The following HSPG2 variants were observed in gnomAD, a reference collection of about 807,000 sequenced individuals.
HSPG2 encodes heparan sulfate proteoglycan 2.
Under a neutral mutation model 526.6 loss-of-function variants are expected in HSPG2, and 278 were observed. The ratio of observed to expected loss-of-function variants is 0.53; its 90% CI spans 0.48 to 0.58. The LOEUF is 0.58. Ranked by LOEUF, HSPG2 falls within the 20% of genes least tolerant of loss-of-function variation. HSPG2 has a pLI of 0.00. For missense variants in HSPG2, 5,354 were observed against 6,099.5 expected, an observed-to-expected ratio of 0.88 and a Z score of 4.07; for synonymous variants, 2,465 against 2,555.4, an observed-to-expected ratio of 0.96 and a Z score of 1.07.
At chr1:21,838,629 T>C (rs2098036369) in intron 74 of HSPG2, among the ~76,000 whole-genome samples, 196 bp downstream of exon 74, 3 of 152,162 alleles carry the variant, frequency 2.0e-5, no homozygotes, top group Admixed American at 2.0e-4. Flanking sequence ...CCGTGAGAGC[T>C]AGAGGAGCTG....
At chr1:21,914,387 G>C (rs953330173) in intron 1 of HSPG2, among the ~76,000 whole-genome samples, 1 of 130,798 alleles carries the variant, frequency 7.6e-6, no homozygotes, top group African/African-American at 2.8e-5. Context: ...AGACCCCAGA[G>C]GCAGGAGGAG....
chr1:21,852,730 G>T lies in HSPG2; in HGVS notation c.6694C>A (p.Leu2232Met), dbSNP rs558851628. The T allele has an allele frequency of 8.6e-5, 139 of 1,613,556 alleles. No homozygotes were observed. The highest frequency in any genetic ancestry group is 1.1e-4 in the Non-Finnish European group (130 of 1,180,034). ...GTSGPLEASV[L>M]VTIEASVIPG... is the part of the protein sequence containing the mutation. ...ATGACAGAGGCTTCGATGGTGACCAGGACTGAGGCCTCTAGGGGGCCGGAG... is the reference window on the plus strand; with the variant it reads ...ATGACAGAGGCTTCGATGGTGACCATGACTGAGGCCTCTAGGGGGCCGGAG... The change falls in exon 52 of 97, where the codon CTG becomes ATG. Residue 2232 changes from leucine (L) to methionine (M), a missense_variant. Coordinates refer to ENST00000374695, the MANE Select transcript of HSPG2 (RefSeq NM_005529.7).
Position 21,854,183 on chromosome 1 carries a change from G to T in HSPG2, c.6439+10C>A. ...GCTCAGCCCCGGCCCAGCCACACCT[G>T]GCTCCTCACCTGGGGTGTAGCTGGG... is the stretch of plus-strand genomic sequence containing the variant. On this transcript the variant is annotated intron_variant, in intron 50 of 96. Coordinates refer to ENST00000374695, the MANE Select transcript of HSPG2 (RefSeq NM_005529.7). The T allele has an allele frequency of 6.4e-7, 1 of 1,573,898 alleles. No individual in the cohort carries two copies.
At position 21,878,956 on chromosome 1, in the gene HSPG2, C is replaced by T. The variant is rs375128118; in HGVS notation, c.2471+38G>A. The T allele has an allele frequency of 5.0e-5, 80 of 1,605,152 alleles. No individual in the cohort carries two copies. The African/African-American group carries it at 1.0e-3, about 20-fold the overall frequency. On this transcript the variant is annotated intron_variant, in intron 18 of 96. Coordinates refer to ENST00000374695, the MANE Select transcript of HSPG2 (RefSeq NM_005529.7). Reference sequence around the variant, plus strand: ...ATATTCTCTGGCCTGTTGCACTGTCCCCAGCCAAACCCCCCCTGACCCGGA... The same window carrying T: ...ATATTCTCTGGCCTGTTGCACTGTCTCCAGCCAAACCCCCCCTGACCCGGA...
Position 21,855,671 on chromosome 1 carries a change from G to A in HSPG2, c.5706C>T (p.Gly1902=). 6 of 1,576,474 alleles carry A rather than the reference G, an allele frequency of 3.8e-6. No homozygotes were observed. Among genetic ancestry groups the A allele is most frequent in the Non-Finnish European group, 5.2e-6 (6 of 1,163,948 alleles). Residue 1902 remains glycine, a synonymous_variant, in exon 46 of 97, where the codon GGC becomes GGT. Transcript: ENST00000374695. ...SPTPTLEWTG[G]PGGQLPAKAQ... is the part of the protein sequence containing the mutation. The stretch of plus-strand genomic sequence containing the variant: ...CCTTCGCAGGGAGCTGGCCGCCGGG[G>A]CCCCCTGACGAGTAGACGTGGGGTC...
At chr1:21,857,802 C>T (rs1325354588) in intron 42 of HSPG2, among the ~76,000 whole-genome samples, 2 of 152,146 alleles carry the variant, frequency 1.3e-5, no homozygotes, top group Non-Finnish European at 2.9e-5. Flanking sequence ...CGCTGACACA[C>T]ACTTATGGAG....
chr1:21,851,974 C>A (rs752910358), intron 53 of HSPG2, 48 bp from the exon 54 acceptor site: 8 of 1,607,536 alleles, frequency 5.0e-6, no homozygotes, highest in Non-Finnish European at 6.8e-6. Context: ...CGGAGGCCAG[C>A]AAATGCCCCA....
chr1:21,888,145 G>A, intron 6 of HSPG2, 79 bp from the exon 7 acceptor site: 1 of 1,593,632 alleles, frequency 6.3e-7, no homozygotes. Context: ...TGTGTGGCTG[G>A]AGTGGGCTCC....
chr1:21,921,736 G>A (rs1357549790), intron 1 of HSPG2, among the ~76,000 whole-genome samples: 1 of 152,186 alleles, frequency 6.6e-6, no homozygotes, highest in Non-Finnish European at 1.5e-5. Flanking sequence ...AGTGTGTCCT[G>A]GGGCCACTTC....
In HSPG2 at chr1:21,846,558, A is replaced by C; in HGVS notation, c.8206T>G (p.Ser2736Ala). 6.2e-7 allele frequency: 1 copy of C among 1,613,698 alleles called. No individual in the cohort carries two copies. Among genetic ancestry groups the C allele is most frequent in the Non-Finnish European group, 8.5e-7 (1 of 1,180,032 alleles). ...SMPIRIESSS[S>A]HVAEGETLDL... is the part of the protein sequence containing the mutation. ...AGGGTCTCCCCTTCGGCCACGTGTGAGGAGGATGACTCAATTCTGATGGGC... is the reference window on the plus strand; with the variant it reads ...AGGGTCTCCCCTTCGGCCACGTGTGCGGAGGATGACTCAATTCTGATGGGC... The change falls in exon 63 of 97, where the codon TCA becomes GCA. Residue 2736 changes from serine (S) to alanine (A), a missense_variant. Ser to Ala is a moderately conservative substitution (Grantham distance 99). Transcript: ENST00000374695.
chr1:21,878,146 G>A, intron 21 of HSPG2, 40 bp downstream of exon 21: 1 of 1,586,276 alleles, frequency 6.3e-7, no homozygotes, highest in Non-Finnish European at 8.6e-7. Flanking sequence ...TGTGGTGCTG[G>A]GCCCAAGGCC....
At position 21,877,023 on chromosome 1, in the gene HSPG2, C is replaced by T. The variant is rs574172191; in HGVS notation, c.2686-371G>A. Among the ~76,000 whole-genome samples the T allele has an allele frequency of 1.5e-4, 18 of 120,024 alleles. No homozygotes were observed. The South Asian group carries it at 4.8e-3, about 32-fold the overall frequency. The allele number at this position is 120,024 out of a possible 152,430, so 78.7% of individuals were successfully genotyped here. A position where few individuals can be genotyped will look rare whatever the true frequency, so the allele number is the denominator to read the frequency against. ...GCAGTGAGCCGAGATCGCGCCACTG[C>T]AATCCAGCCTACGCGATGGGAGCGA... On this transcript the variant is annotated intron_variant, in intron 21 of 96. Transcript: ENST00000374695.
At chr1:21,860,128 G>C (rs1248202791) in intron 40 of HSPG2, 49 bp downstream of exon 40, 2 of 1,609,330 alleles carry the variant, frequency 1.2e-6, no homozygotes, top group Non-Finnish European at 1.7e-6. Flanking sequence ...AATTCCCAGG[G>C]CTCCCTGCCT....
At chr1:21,918,500 T>C (rs904387010) in intron 1 of HSPG2, among the ~76,000 whole-genome samples, 2 of 151,568 alleles carry the variant, frequency 1.3e-5, no homozygotes, top group African/African-American at 4.8e-5. Flanking sequence ...GGGACAATAA[T>C]AGTACCTGCC....
At chr1:21,935,216 TTA>T (rs1424828292) in intron 1 of HSPG2, among the ~76,000 whole-genome samples, 1 of 152,216 alleles carries the variant, frequency 6.6e-6, no homozygotes, top group Non-Finnish European at 1.5e-5. Context: ...GAAAAACTTT[TTA>T]AAAAGAATTT....
intron 1 of HSPG2, among the ~76,000 whole-genome samples, chr1:21,900,546 TA>T (rs1428453086): frequency 6.6e-6 from 1 of 151,642 alleles, no homozygotes; most frequent in Non-Finnish European, 1.5e-5. Context: ...TGGGTGAGGA[TA>T]AAGAGGCAGA....
intron 1 of HSPG2, among the ~76,000 whole-genome samples, chr1:21,911,116 G>A: frequency 6.6e-6 from 1 of 152,190 alleles, no homozygotes; most frequent in East Asian, 1.9e-4. Flanking sequence ...CTCTGAATCA[G>A]TTTTCTCTTC....
rs1245051501 is a variant in HSPG2, at chr1:21,872,764, G to A, written c.3889-4C>T. ...AAGTGAGGCCTTCCACCTGGGCCTG[G>A]GTAGACGGATGGAAGGAGGCAGGCA... On this transcript the variant is annotated splice_polypyrimidine_tract_variant and splice_region_variant and intron_variant, in intron 31 of 96. Coordinates refer to ENST00000374695, the MANE Select transcript of HSPG2 (RefSeq NM_005529.7). The surrounding 1 kb of genome is among the most constrained non-coding windows in gnomAD (Gnocchi z 5.5). The A allele has an allele frequency of 6.2e-7, 1 of 1,607,758 alleles. No homozygotes were observed. The highest frequency in any genetic ancestry group is 8.5e-7 in the Non-Finnish European group (1 of 1,177,972).
Position 21,823,443 on chromosome 1 carries a change from G to C in HSPG2, c.13049C>G (p.Ser4350Ter). The change falls in exon 97 of 97, where the codon TCA (serine) becomes TGA (stop). Residue 4350 changes from serine to a stop codon, truncating the protein, a stop_gained. Coordinates refer to ENST00000374695, the MANE Select transcript of HSPG2 (RefSeq NM_005529.7). LOFTEE classifies it high-confidence loss of function. ...VATLTGGRFSSGITGCVKNLV... is the reference protein window; with the variant it reads ...VATLTGGRFS ...GTTCTTGACACAGCCTGTGATGCCTGAGGAGAATCTGCCCCCGGTCAGCGT... is the reference window on the plus strand; with the variant it reads ...GTTCTTGACACAGCCTGTGATGCCTCAGGAGAATCTGCCCCCGGTCAGCGT... The C allele has an allele frequency of 6.3e-7, 1 of 1,592,824 alleles. No homozygotes were observed. Among genetic ancestry groups the C allele is most frequent in the Admixed American group, 1.7e-5 (1 of 58,462 alleles).
Sources: gnomAD v4.1 joint callset for allele counts (sites outside exome capture counted in the v4.1 genomes callset) on GRCh38, gnomAD v4.1.1 for gene constraint, Gnocchi (gnomAD v3.1) non-coding constraint, MANE v1.5 for transcripts, NCBI Gene and HGNC (gene_info 2026-07-23, HGNC 2026-07-21) for gene names.